Variants in TMED8 observed in about 807,000 individuals in gnomAD.
TMED8 encodes the protein protein TMED8.
TMED8 carries 15 observed loss-of-function variants against 32.7 expected under a neutral mutation model. The ratio of observed to expected loss-of-function variants is 0.46; its 90% confidence interval spans 0.31 to 0.71. The LOEUF (loss-of-function observed/expected upper bound fraction) is 0.71, where lower values mean the gene tolerates loss of function less well. Ranked by LOEUF, TMED8 falls within the 30% of genes least tolerant of loss-of-function variation. The pLI is 0.06. For missense variants in TMED8, 390 were observed against 423.9 expected (o/e 0.92, Z 0.70); for synonymous variants, 147 against 161.4 (o/e 0.91, Z 0.68).
chr14:77,363,928 C>T (rs532056810), intron 1 of TMED8, among the ~76,000 whole-genome samples: 1 of 152,130 alleles, frequency 6.6e-6, no homozygotes, highest in East Asian at 1.9e-4. Flanking sequence ...GCAAACTGTG[C>T]TACAATGCCT....
chr14:77,341,552 G>A lies in TMED8; in HGVS notation c.*219C>T, dbSNP rs1892898595. On this transcript the variant is annotated 3_prime_UTR_variant, in exon 6 of 6. Coordinates refer to ENST00000216468, the MANE Select transcript of TMED8 (RefSeq NM_213601.3). ...TTTGCTGGAGTCTGAAGCAAGAAGG[G>A]TATGAGTCAGGGACTACAGAACAGG... 1 of 581,304 alleles carries A rather than the reference G, an allele frequency of 1.7e-6. No homozygotes were observed. The allele number at this position is 581,304 out of a possible 1,614,324, so 36.0% of individuals were successfully genotyped here.
Position 77,338,043 on chromosome 14 carries a change from T to C in TMED8, c.*3728A>G. ...TGGGAAGACAGGGTGCCTCATATTATGGTCAGATTACAGGGTGCCTCATAT... is the reference window on the plus strand; with the variant it reads ...TGGGAAGACAGGGTGCCTCATATTACGGTCAGATTACAGGGTGCCTCATAT... On this transcript the variant is annotated 3_prime_UTR_variant, in exon 6 of 6. Coordinates refer to ENST00000216468, the MANE Select transcript of TMED8 (RefSeq NM_213601.3). 1 of 152,132 alleles carries C rather than the reference T, an allele frequency of 6.6e-6. No homozygotes were observed. The highest frequency in any genetic ancestry group is 1.5e-5 in the Non-Finnish European group (1 of 68,022). 9.4% of individuals were successfully genotyped at this position (152,132 alleles called of 1,614,324 possible).
chr14:77,375,317 A>T (rs1373917765), intron 1 of TMED8, among the ~76,000 whole-genome samples: 1 of 152,150 alleles, frequency 6.6e-6, no homozygotes, highest in Non-Finnish European at 1.5e-5. Context: ...TGAATGCAGG[A>T]ATGAATTAGA....
intron 1 of TMED8, among the ~76,000 whole-genome samples, chr14:77,369,347 T>C (rs901227966): frequency 4.6e-5 from 7 of 152,232 alleles, no homozygotes; most frequent in Non-Finnish European, 1.0e-4. Flanking sequence ...GGCCTTCTAT[T>C]TCTATATGTA....
At chr14:77,365,731 T>G (rs954973283) in intron 1 of TMED8, among the ~76,000 whole-genome samples, 4 of 152,218 alleles carry the variant, frequency 2.6e-5, no homozygotes, top group Non-Finnish European at 5.9e-5. Flanking sequence ...CAGACACAGT[T>G]CTGGCTCTCA....
rs573297351 is a variant in TMED8, at chr14:77,355,189, C to A, written c.119-3438G>T. ...GTGTGTGTGTTTCTGAAAGGACATG[C>A]ACTAAACACTTTTTTTTTTTTTTTG... is the stretch of plus-strand genomic sequence containing the variant. On this transcript the variant is annotated intron_variant, in intron 1 of 5. Coordinates refer to ENST00000216468, the MANE Select transcript of TMED8 (RefSeq NM_213601.3). Among the ~76,000 whole-genome samples, 7 of 145,736 alleles carry A rather than the reference C, an allele frequency of 4.8e-5. No homozygotes were observed. In the South Asian group the frequency reaches 1.6e-3, roughly 32 times the overall value.
intron 1 of TMED8, among the ~76,000 whole-genome samples, chr14:77,363,557 G>A (rs10130726): frequency 2.2e-4 from 33 of 152,266 alleles, no homozygotes; most frequent in African/African-American, 7.2e-4. Flanking sequence ...AGTACTTTGG[G>A]AAGCTGAGAC....
At chr14:77,363,708 C>CT (rs111961346) in intron 1 of TMED8, among the ~76,000 whole-genome samples, 2,632 of 144,690 alleles carry the variant, frequency 0.018, 59 homozygotes, top group African/African-American at 0.059. Flanking sequence ...CATTATTCCT[C>CT]TTTTTTTTTT....
At chr14:77,347,808 A>C (rs1259534489) in intron 2 of TMED8, among the ~76,000 whole-genome samples, 1 of 152,228 alleles carries the variant, frequency 6.6e-6, no homozygotes, top group Non-Finnish European at 1.5e-5. Context: ...GTAGCAAAAT[A>C]ACCCAGGCCT....
intron 1 of TMED8, among the ~76,000 whole-genome samples, chr14:77,355,264 C>T (rs1016154317): frequency 2.0e-5 from 3 of 149,546 alleles, no homozygotes; most frequent in Non-Finnish European, 4.4e-5. Flanking sequence ...GGCATGATCT[C>T]AGCTCACTGC....
At chr14:77,353,593 G>A (rs1893229619) in intron 1 of TMED8, among the ~76,000 whole-genome samples, 1 of 151,316 alleles carries the variant, frequency 6.6e-6, no homozygotes, top group Non-Finnish European at 1.5e-5. Flanking sequence ...TGGGACCACA[G>A]GCACACCCCA....
chr14:77,351,688 C>T lies in TMED8; in HGVS notation c.182G>A (p.Cys61Tyr). ...LLASATDPEP[C>Y]SSPHRPQMVS... ...AAGTGGTTACCTGTGGGGTGAGGAG[C>T]AGGGTTCTGGATCGGTGGCAGAAGC... The change falls in exon 2 of 6, where the codon TGC (cysteine) becomes TAC (tyrosine). Residue 61 changes from cysteine (C) to tyrosine (Y), a missense_variant. Cys to Tyr is a radical substitution (Grantham distance 194). Transcript: ENST00000216468. The T allele has an allele frequency of 1.9e-6, 3 of 1,613,250 alleles. No homozygotes were observed. Among genetic ancestry groups the T allele is most frequent in the Non-Finnish European group, 2.5e-6 (3 of 1,179,654 alleles).
At chr14:77,357,008 T>A (rs907374672) in intron 1 of TMED8, among the ~76,000 whole-genome samples, 1 of 152,190 alleles carries the variant, frequency 6.6e-6, no homozygotes, top group Non-Finnish European at 1.5e-5. Flanking sequence ...CTAGTACACG[T>A]AGCTAAATTT....
At chr14:77,364,071 C>T (rs372057155) in intron 1 of TMED8, among the ~76,000 whole-genome samples, 1 of 152,380 alleles carries the variant, frequency 6.6e-6, no homozygotes, top group African/African-American at 2.4e-5. Context: ...CGTTTCCCCA[C>T]ACCTGGCACA....
In TMED8 at chr14:77,376,682, C is replaced by T. The variant is rs1180894805; in HGVS notation, c.118+254G>A. 3.4e-6 allele frequency: 1 copy of T among 292,306 alleles called. No individual in the cohort carries two copies. The highest frequency in any genetic ancestry group is 6.3e-6 in the Non-Finnish European group (1 of 158,790). The allele number at this position is 292,306 out of a possible 1,614,324, so 18.1% of individuals were successfully genotyped here. On this transcript the variant is annotated intron_variant, in intron 1 of 5. Coordinates refer to ENST00000216468, the MANE Select transcript of TMED8 (RefSeq NM_213601.3). The surrounding 1 kb of genome is among the most constrained non-coding windows in gnomAD (Gnocchi z 4.0). ...CAGGGGCAGAGCCACCCTGTCACTA[C>T]CATTTGGGCAGATCTCAGAAAGGAA...
At chr14:77,368,329 G>A (rs1381950041) in intron 1 of TMED8, among the ~76,000 whole-genome samples, 1 of 152,016 alleles carries the variant, frequency 6.6e-6, no homozygotes, top group Non-Finnish European at 1.5e-5. Flanking sequence ...AATTTTTTTG[G>A]GGGGCCATTC....
intron 1 of TMED8, among the ~76,000 whole-genome samples, chr14:77,354,882 A>C (rs1289660893): frequency 6.6e-6 from 1 of 151,850 alleles, no homozygotes; most frequent in Non-Finnish European, 1.5e-5. Flanking sequence ...TGAACCCTGG[A>C]GGAAGAGGTT....
rs780677532 is a variant in TMED8 at position 77,341,957 on chromosome 14, G to A, written c.792C>T (p.Gly264=). 2 of 1,613,978 alleles carry A rather than the reference G, an allele frequency of 1.2e-6. No homozygotes were observed. The highest frequency in any genetic ancestry group is 1.3e-5 in the African/African-American group (1 of 74,928). ...AGCGACCCCGCAAGGAGCTCCTGGA[G>A]CCTCTCTCCACATCTCCAGCTGGAA... is the stretch of plus-strand genomic sequence containing the variant. ...EPVPAGDVER[G]SRSSLRGRYG... The change falls in exon 6 of 6, where the codon GGC becomes GGT. Residue 264 remains glycine, a synonymous_variant. Transcript: ENST00000216468.
At chr14:77,371,223 G>C (rs1893672169) in intron 1 of TMED8, among the ~76,000 whole-genome samples, 2 of 152,124 alleles carry the variant, frequency 1.3e-5, no homozygotes, top group South Asian at 4.1e-4. Flanking sequence ...TTGTAATTCT[G>C]ATGGATATTG....
Sources: allele counts gnomAD v4.1 joint callset (sites outside exome capture counted in the v4.1 genomes callset), GRCh38; gene constraint gnomAD v4.1.1; non-coding constraint Gnocchi (gnomAD v3.1); transcripts MANE v1.5; gene names NCBI Gene and HGNC (gene_info 2026-07-23, HGNC 2026-07-21).